Variants in SAMD4A observed in about 807,000 individuals in gnomAD.
SAMD4A encodes sterile alpha motif domain containing 4A.
A neutral mutation model predicts 81.3 loss-of-function variants in SAMD4A; 33 were observed. That is an observed-to-expected ratio of 0.41 (90% confidence interval 0.31 to 0.54). The LOEUF (loss-of-function observed/expected upper bound fraction) is 0.54, where lower values mean the gene tolerates loss of function less well. SAMD4A is among the 20% of genes least tolerant of loss of function. The pLI, the probability that SAMD4A is intolerant of heterozygous loss-of-function variation, is 0.37. For synonymous variants in SAMD4A, 389 were observed against 382.1 expected, an observed-to-expected ratio of 1.02 and a Z score of -0.21; for missense variants, 854 against 951.1, an observed-to-expected ratio of 0.90 and a Z score of 1.34.
chr14:54,684,612 G>A (rs925278594), intron 2 of SAMD4A, among the ~76,000 whole-genome samples: 1 of 81,746 alleles, frequency 1.2e-5, no homozygotes, highest in Admixed American at 1.3e-4. Context: ...AGACACCCCC[G>A]CCCCCCCCCC....
intron 9 of SAMD4A, among the ~76,000 whole-genome samples, chr14:54,770,696 G>A (rs1462285927): frequency 6.6e-6 from 1 of 152,198 alleles, no homozygotes; most frequent in Non-Finnish European, 1.5e-5. Context: ...TTGGTCTGCA[G>A]TCTCATAGTG....
intron 2 of SAMD4A, among the ~76,000 whole-genome samples, chr14:54,622,384 G>T (rs770712944): frequency 6.6e-6 from 1 of 152,194 alleles, no homozygotes. Flanking sequence ...GTAGGATTAT[G>T]ATGGGCCTCA....
chr14:54,766,063 C>G (rs1004021593), intron 8 of SAMD4A, among the ~76,000 whole-genome samples: 6 of 152,022 alleles, frequency 3.9e-5, no homozygotes, highest in African/African-American at 1.5e-4. Flanking sequence ...AAGTACTAGA[C>G]TTTTCACTGA....
chr14:54,618,906 C>T (rs10498468), intron 2 of SAMD4A, among the ~76,000 whole-genome samples: 19,218 of 152,138 alleles, frequency 0.13, 1,654 homozygotes, highest in East Asian at 0.38. Flanking sequence ...TATGATTTCT[C>T]CTAAGGCTAA....
chr14:54,568,172 C>T (rs2033000538), intron 2 of SAMD4A, 60 bp downstream of exon 2: 6 of 1,377,836 alleles, frequency 4.4e-6, no homozygotes, highest in African/African-American at 3.1e-5. Context: ...CCTCCCTCCG[C>T]TTCTCTGCCT....
chr14:54,689,146 G>C (rs906122722), intron 2 of SAMD4A, among the ~76,000 whole-genome samples: 3 of 152,000 alleles, frequency 2.0e-5, no homozygotes, highest in African/African-American at 7.3e-5. Context: ...TGGCCAGGCT[G>C]GTCTCAAACT....
chr14:54,621,373 AG>A (rs1487635007), intron 2 of SAMD4A, among the ~76,000 whole-genome samples: 26 of 151,584 alleles, frequency 1.7e-4, no homozygotes, highest in Admixed American at 1.6e-3. Context: ...GTTTTGAGAC[AG>A]GGTCTCGCTG....
rs1037021085 is a variant in SAMD4A, at chr14:54,746,350, A to G, written c.980-2465A>G. On this transcript the variant is annotated intron_variant, in intron 4 of 12. Coordinates refer to ENST00000554335, the MANE Select transcript of SAMD4A (RefSeq NM_015589.6). ...TACCTGCCTCAAGAAACACAGGGCC[A>G]AAAGGAGCTTACATTGCCCAGGAAT... Among the ~76,000 whole-genome samples the G allele has an allele frequency of 3.9e-5, 6 of 152,220 alleles. No individual in the cohort carries two copies. The South Asian group carries it at 6.2e-4, about 16-fold the overall frequency.
At chr14:54,694,995 G>C in intron 2 of SAMD4A, 2 of 858,428 alleles carry the variant, frequency 2.3e-6, no homozygotes, top group Non-Finnish European at 2.8e-6. Flanking sequence ...AGGATGGTCA[G>C]ATGCCTTTGA....
intron 2 of SAMD4A, among the ~76,000 whole-genome samples, chr14:54,589,993 C>T (rs1459794728): frequency 6.6e-6 from 1 of 152,140 alleles, no homozygotes; most frequent in Non-Finnish European, 1.5e-5. Context: ...TCATCCAAAC[C>T]GTATGCTAGA....
chr14:54,574,320 G>C (rs557333081), intron 2 of SAMD4A, among the ~76,000 whole-genome samples: 1 of 152,194 alleles, frequency 6.6e-6, no homozygotes, highest in Admixed American at 6.5e-5. Context: ...CGTGGATTGG[G>C]CAGTCTGAGA....
chr14:54,713,491 G>C (rs2037042413), intron 3 of SAMD4A, among the ~76,000 whole-genome samples: 1 of 152,176 alleles, frequency 6.6e-6, no homozygotes, highest in Non-Finnish European at 1.5e-5. Flanking sequence ...TTGTGGGTTG[G>C]AGGAAGGCTA....
At chr14:54,593,480 G>A (rs1226385481) in intron 2 of SAMD4A, among the ~76,000 whole-genome samples, 1 of 152,120 alleles carries the variant, frequency 6.6e-6, no homozygotes, top group African/African-American at 2.4e-5. Context: ...AGATAAAACT[G>A]AAAACTGGCA....
chr14:54,568,216 G>T (rs2033002435), intron 2 of SAMD4A, 104 bp downstream of exon 2: 5 of 1,105,832 alleles, frequency 4.5e-6, no homozygotes, highest in East Asian at 3.3e-5. Context: ...TGCCAGCCGC[G>T]CCGGGACCTG....
At chr14:54,717,884 GTTT>G (rs59380334) in intron 3 of SAMD4A, among the ~76,000 whole-genome samples, 16 of 131,220 alleles carry the variant, frequency 1.2e-4, no homozygotes, top group African/African-American at 4.1e-4. Flanking sequence ...TTGCTTGAAG[GTTT>G]TTTTTTTTTT....
At position 54,745,778 on chromosome 14, in the gene SAMD4A, G is replaced by C. The variant is rs140848972; in HGVS notation, c.980-3037G>C. On this transcript the variant is annotated intron_variant, in intron 4 of 12. Coordinates refer to ENST00000554335, the MANE Select transcript of SAMD4A (RefSeq NM_015589.6). ...AGTTTGAGACCCCCAGTCTCAAACTGACCCCAAGGAAGCCAAACAGGTGTG... is the reference window on the plus strand; with the variant it reads ...AGTTTGAGACCCCCAGTCTCAAACTCACCCCAAGGAAGCCAAACAGGTGTG... 3.8e-3 allele frequency among the ~76,000 whole-genome samples: 573 copies of C among 152,212 alleles called. 4 individuals carry two copies. Among genetic ancestry groups the C allele is most frequent in the African/African-American group, 0.014 (561 of 41,554 alleles).
At chr14:54,608,895 C>T (rs2034286079) in intron 2 of SAMD4A, among the ~76,000 whole-genome samples, 1 of 152,214 alleles carries the variant, frequency 6.6e-6, no homozygotes. Flanking sequence ...CAACGGAAGA[C>T]AGCTATGAGT....
At chr14:54,706,156 T>G (rs1376846508) in intron 3 of SAMD4A, among the ~76,000 whole-genome samples, 1 of 151,352 alleles carries the variant, frequency 6.6e-6, no homozygotes, top group Non-Finnish European at 1.5e-5. Context: ...AAGAACAGTC[T>G]GAACAACATA....
At chr14:54,642,802 C>T (rs2035203298) in intron 2 of SAMD4A, among the ~76,000 whole-genome samples, 1 of 152,202 alleles carries the variant, frequency 6.6e-6, no homozygotes, top group Non-Finnish European at 1.5e-5. Context: ...GTAACCCAAC[C>T]TGCAGACCCT....
Sources: allele counts gnomAD v4.1 joint callset (sites outside exome capture counted in the v4.1 genomes callset), GRCh38; gene constraint gnomAD v4.1.1; transcripts MANE v1.5; gene names NCBI Gene and HGNC (gene_info 2026-07-23, HGNC 2026-07-21).